Variants in AMD1 observed in about 807,000 individuals in gnomAD.
AMD1 encodes the protein adenosylmethionine decarboxylase 1, also known as S-adenosylmethionine decarboxylase proenzyme.
Under a neutral mutation model 40.2 loss-of-function variants are expected in AMD1, and 11 were observed. The observed-to-expected ratio is 0.27, with a 90% CI of 0.17 to 0.45. AMD1 has a LOEUF of 0.45. AMD1 is among the 20% of genes least tolerant of loss of function. AMD1 has a pLI of 1.00. For missense variants in AMD1, 257 were observed against 410.2 expected (o/e 0.63, Z 3.23); for synonymous variants, 121 against 130.8 (o/e 0.93, Z 0.51).
chr6:110,889,846 G>C, intron 3 of AMD1: 1 of 155,982 alleles, frequency 6.4e-6, no homozygotes, highest in Non-Finnish European at 1.4e-5. Context: ...GAAATCTAAA[G>C]CAATGTGTGC....
In AMD1 at chr6:110,894,503, C is replaced by A. The variant is rs1229396121; in HGVS notation, c.*887C>A. 1 of 152,206 alleles carries A rather than the reference C, an allele frequency of 6.6e-6. No homozygotes were observed. The highest frequency in any genetic ancestry group is 1.5e-5 in the Non-Finnish European group (1 of 68,040). 9.4% of individuals were successfully genotyped at this position (152,206 alleles called of 1,614,324 possible). The stretch of plus-strand genomic sequence containing the variant: ...TTGAGATTAGGGTGTACTGGCTGAA[C>A]TGTGGAAAACATACAATTCTGTGTT... On this transcript the variant is annotated 3_prime_UTR_variant, in exon 9 of 9. Transcript: ENST00000368885.
At chr6:110,846,476 G>A in the AMD1 span, among the ~76,000 whole-genome samples, 4 of 152,102 alleles carry the variant, frequency 2.6e-5, no homozygotes, top group Non-Finnish European at 5.9e-5. Context: ...ACTATCAGAG[G>A]AAACATTAAA....
chr6:110,876,066 C>T (rs1200878149), intron 1 of AMD1, among the ~76,000 whole-genome samples: 2 of 152,220 alleles, frequency 1.3e-5, no homozygotes, highest in Non-Finnish European at 2.9e-5. Flanking sequence ...CATAATGCCT[C>T]TAATGCCTTA....
the AMD1 span, among the ~76,000 whole-genome samples, chr6:110,846,826 C>T: frequency 0.039 from 5,864 of 150,334 alleles, 405 homozygotes; most frequent in East Asian, 0.35. Flanking sequence ...GCTGAGATCG[C>T]GCCACTGCAC....
chr6:110,874,190 C>T (rs1375535987), upstream of AMD1, among the ~76,000 whole-genome samples: 1 of 152,234 alleles, frequency 6.6e-6, no homozygotes, highest in East Asian at 1.9e-4. Flanking sequence ...CCGAGGACTG[C>T]TTTCATTCGC....
At chr6:110,847,748 G>A in the AMD1 span, among the ~76,000 whole-genome samples, 1 of 147,386 alleles carries the variant, frequency 6.8e-6, no homozygotes, top group Non-Finnish European at 1.5e-5. Context: ...GTCTTGCTCT[G>A]TCACCTAGGC....
chr6:110,835,653 G>T, the AMD1 span, among the ~76,000 whole-genome samples: 1 of 152,058 alleles, frequency 6.6e-6, no homozygotes, highest in South Asian at 2.1e-4. Context: ...ATCACCTGAG[G>T]TCAGGAGTTC....
the AMD1 span, chr6:110,859,095 C>T: frequency 2.3e-6 from 3 of 1,321,506 alleles, no homozygotes; most frequent in South Asian, 1.3e-5. Context: ...CGCGCAGGCT[C>T]GGGGGAGGTC....
chr6:110,868,292 C>T, the AMD1 span, among the ~76,000 whole-genome samples: 6 of 151,754 alleles, frequency 4.0e-5, no homozygotes, highest in South Asian at 2.1e-4. Context: ...GGACTACAGG[C>T]GCTCACCACC....
the AMD1 span, among the ~76,000 whole-genome samples, chr6:110,855,065 C>CTTTTTTTTTTTTTTTTTTTTTTT: frequency 7.5e-5 from 6 of 80,446 alleles, 2 homozygotes; most frequent in African/African-American, 2.0e-4. Context: ...CTCTCTCTCT[C>CTTTTTTTTTTTTTTTTTTTTTTT]TTTTTTTTTT....
At chr6:110,815,353 G>A in the AMD1 span, 12 of 405,584 alleles carry the variant, frequency 3.0e-5, no homozygotes, top group African/African-American at 4.2e-5. Context: ...CTCCTCCTCC[G>A]CGACGGCGGC....
At chr6:110,883,419 G>C (rs1785510060) in intron 1 of AMD1, among the ~76,000 whole-genome samples, 3 of 152,148 alleles carry the variant, frequency 2.0e-5, no homozygotes, top group African/African-American at 4.8e-5. Flanking sequence ...TCCAAGAAAG[G>C]CTCTCTAGTT....
At chr6:110,858,787 G>A in the AMD1 span, 56 of 765,968 alleles carry the variant, frequency 7.3e-5, 2 homozygotes, top group South Asian at 7.7e-4. Flanking sequence ...GCATGACCGC[G>A]TACAGCACAA....
rs1785935553 is a variant in AMD1 at position 110,890,189 on chromosome 6, GA to G, written c.325-61del. On this transcript the variant is annotated intron_variant, in intron 3 of 8. Transcript: ENST00000368885. Reference sequence around the variant, plus strand: ...ATGTGGACAATAGTTGATTAGCTTCGAAAAGTGATAGAATTCTACATCTAAA... The same window carrying G: ...ATGTGGACAATAGTTGATTAGCTTCGAAAGTGATAGAATTCTACATCTAAA... 4 of 1,251,700 alleles carry G rather than the reference GA, an allele frequency of 3.2e-6. No homozygotes were observed. In the East Asian group the frequency reaches 9.9e-5, roughly 31 times the overall value. 77.5% of individuals were successfully genotyped at this position (1,251,700 alleles called of 1,614,324 possible).
chr6:110,878,247 T>C (rs1785214501), intron 1 of AMD1, among the ~76,000 whole-genome samples: 1 of 152,222 alleles, frequency 6.6e-6, no homozygotes, highest in Non-Finnish European at 1.5e-5. Context: ...GATATTTACC[T>C]TTCATATTTA....
chr6:110,843,775 G>A, the AMD1 span, among the ~76,000 whole-genome samples: 1 of 151,744 alleles, frequency 6.6e-6, no homozygotes, highest in African/African-American at 2.4e-5. Flanking sequence ...TTTTTGTACC[G>A]GTGGGGTCTT....
At chr6:110,825,583 T>C in the AMD1 span, among the ~76,000 whole-genome samples, 9 of 152,350 alleles carry the variant, frequency 5.9e-5, no homozygotes, top group Non-Finnish European at 1.0e-4. Context: ...GACATGTTCA[T>C]TGCCTCAGTA....
the AMD1 span, among the ~76,000 whole-genome samples, chr6:110,830,076 G>A: frequency 2.0e-4 from 31 of 151,902 alleles, 1 homozygote; most frequent in Admixed American, 1.8e-3. Context: ...GTGCAGTGGC[G>A]CGATCTCGGC....
the AMD1 span, among the ~76,000 whole-genome samples, chr6:110,822,192 G>GA: frequency 3.3e-5 from 5 of 151,672 alleles, no homozygotes; most frequent in African/African-American, 7.3e-5. Context: ...GGCAGAAAGG[G>GA]AAAAAAACAG....
Sources: gnomAD v4.1 joint callset for allele counts (sites outside exome capture counted in the v4.1 genomes callset) on GRCh38, gnomAD v4.1.1 for gene constraint, MANE v1.5 for transcripts, NCBI Gene and HGNC (gene_info 2026-07-23, HGNC 2026-07-21) for gene names.